ZNF461: variants seen among roughly 807,000 people sequenced by gnomAD.
ZNF461 encodes zinc finger protein 461.
In ZNF461, 16 loss-of-function variants were observed where a neutral mutation model predicts 18.3. That is an observed-to-expected ratio of 0.88 (90% CI 0.59 to 1.33). The LOEUF is 1.33. Ranked by LOEUF, ZNF461 falls within the 40% of genes most tolerant of loss-of-function variation. ZNF461 has a pLI of 0.00. For synonymous variants in ZNF461, 179 were observed against 216.9 expected, an observed-to-expected ratio of 0.83 and a Z score of 1.54; for missense variants, 595 against 669.9, an observed-to-expected ratio of 0.89 and a Z score of 1.23.
At chr19:36,656,037 G>A (rs1054638512) in intron 4 of ZNF461, among the ~76,000 whole-genome samples, 5 of 134,062 alleles carry the variant, frequency 3.7e-5, no homozygotes, top group South Asian at 2.3e-4. Context: ...TCGTTCTGTC[G>A]CCCAGGCGGG....
In ZNF461 at chr19:36,662,191, T is replaced by C. The variant is rs201500678; in HGVS notation, c.9+2507A>G. Among the ~76,000 whole-genome samples the C allele has an allele frequency of 5.9e-5, 9 of 151,980 alleles. No individual in the cohort carries two copies. The East Asian group carries it at 1.4e-3, about 23-fold the overall frequency. On this transcript the variant is annotated intron_variant, in intron 2 of 5. Coordinates refer to ENST00000588268, the MANE Select transcript of ZNF461 (RefSeq NM_153257.5). ...GCTATTTCCATGTATTTCTAATTCATATATTTTAACTCTTTTTGGTAGGAG... is the reference window on the plus strand; with the variant it reads ...GCTATTTCCATGTATTTCTAATTCACATATTTTAACTCTTTTTGGTAGGAG...
intron 5 of ZNF461, among the ~76,000 whole-genome samples, chr19:36,642,682 CTTTT>C (rs577387236): frequency 4.4e-5 from 4 of 90,802 alleles, no homozygotes; most frequent in Non-Finnish European, 2.2e-5. Flanking sequence ...AGTTAGACTT[CTTTT>C]TTTTTTTTTT....
chr19:36,651,112 T>C (rs1356712887), intron 4 of ZNF461, among the ~76,000 whole-genome samples: 1 of 151,642 alleles, frequency 6.6e-6, no homozygotes, highest in Non-Finnish European at 1.5e-5. Flanking sequence ...ACGCCTGTAG[T>C]GCCAGCTACT....
rs750223990 is a variant in ZNF461, at chr19:36,665,708, CA to C, written c.-80-923del. On this transcript the variant is annotated intron_variant, in intron 1 of 5. Coordinates refer to ENST00000588268, the MANE Select transcript of ZNF461 (RefSeq NM_153257.5). ...ACGGTGAAAGAGAGAAACTTCGTCTCAAAAAAAAAAAAAAAAAAAGGAAGTT... is the reference window on the plus strand; with the variant it reads ...ACGGTGAAAGAGAGAAACTTCGTCTCAAAAAAAAAAAAAAAAAAGGAAGTT... Among the ~76,000 whole-genome samples the C allele has an allele frequency of 3.3e-3, 255 of 77,862 alleles. 3 individuals carry two copies. Among genetic ancestry groups the C allele is most frequent in the African/African-American group, 7.9e-3 (165 of 20,832 alleles). 51.1% of individuals were successfully genotyped at this position (77,862 alleles called of 152,430 possible). A position where few individuals can be genotyped will look rare whatever the true frequency, so the allele number is the denominator to read the frequency against.
At chr19:36,643,070 G>A (rs1353909281) in intron 5 of ZNF461, among the ~76,000 whole-genome samples, 34 of 152,046 alleles carry the variant, frequency 2.2e-4, no homozygotes, top group Admixed American at 2.2e-3. Flanking sequence ...CACTCGGCCA[G>A]CGGACATGTT....
At chr19:36,660,490 C>T (rs2037799225) in intron 2 of ZNF461, among the ~76,000 whole-genome samples, 3 of 151,912 alleles carry the variant, frequency 2.0e-5, no homozygotes, top group Non-Finnish European at 2.9e-5. Context: ...TCAGTCTATA[C>T]CATGTATTAT....
At chr19:36,656,665 G>A (rs1332702229) in intron 3 of ZNF461, 122 bp from the exon 4 acceptor site, 46 of 705,744 alleles carry the variant, frequency 6.5e-5, no homozygotes, top group South Asian at 5.4e-4. Context: ...GGGATACAGA[G>A]GAAATAAAGG....
intron 4 of ZNF461, among the ~76,000 whole-genome samples, chr19:36,652,155 T>C (rs11084861): frequency 0.13 from 19,473 of 151,974 alleles, 2,053 homozygotes; most frequent in East Asian, 0.56. Flanking sequence ...TTTACAAAAA[T>C]TAACACAAAA....
rs530739797 is a variant in ZNF461, at chr19:36,653,162, G to A, written c.232+3286C>T. Among the ~76,000 whole-genome samples the A allele has an allele frequency of 4.6e-5, 7 of 152,268 alleles. No individual in the cohort carries two copies. The East Asian group carries it at 1.4e-3, about 29-fold the overall frequency. On this transcript the variant is annotated intron_variant, in intron 4 of 5. Transcript: ENST00000588268. Reference sequence around the variant, plus strand: ...AAGAATGTAAGACGGTACAAACATTGTTGACAATAATTTGGCAGCTCCTTG... The same window carrying A: ...AAGAATGTAAGACGGTACAAACATTATTGACAATAATTTGGCAGCTCCTTG...
intron 2 of ZNF461, among the ~76,000 whole-genome samples, chr19:36,662,704 C>T (rs536706446): frequency 4.9e-4 from 75 of 152,158 alleles, no homozygotes; most frequent in African/African-American, 1.8e-3. Flanking sequence ...ATAAAATTAG[C>T]TTTATTTCTC....
chr19:36,638,874 G>A lies in ZNF461; in HGVS notation c.1471C>T (p.His491Tyr), dbSNP rs2037350822. 6.2e-7 allele frequency: 1 copy of A among 1,606,208 alleles called. No homozygotes were observed. Among genetic ancestry groups the A allele is most frequent in the Non-Finnish European group, 8.5e-7 (1 of 1,174,716 alleles). The change falls in exon 6 of 6, where the codon CAT (histidine) becomes TAT (tyrosine). Residue 491 changes from histidine to tyrosine, a missense_variant. Coordinates refer to ENST00000588268, the MANE Select transcript of ZNF461 (RefSeq NM_153257.5). ...HSHLIQHQRI[H>Y]TGEKPYECKE... is the part of the protein sequence containing the mutation. ...CATTCATAGGGTTTCTCACCAGTAT[G>A]AATTCTTTGATGTTGAATAAGGTGT...
rs923189576 is a variant in ZNF461 at position 36,638,775 on chromosome 19, G to A, written c.1570C>T (p.Pro524Ser). The A allele has an allele frequency of 3.7e-6, 6 of 1,614,034 alleles. No homozygotes were observed. The highest frequency in any genetic ancestry group is 1.1e-5 in the South Asian group (1 of 91,084). ...HHQRIHSGKK[P>S]YQCGKAFNHR... The stretch of plus-strand genomic sequence containing the variant: ...TTAAACGCCTTCCCGCATTGATAAG[G>A]TTTCTTTCCAGAATGAATTCTCTGA... The change falls in exon 6 of 6, where the codon CCT becomes TCT. Residue 524 changes from proline (P) to serine (S), a missense_variant. Physicochemically the swap from Pro to Ser is moderately conservative, Grantham distance 74 (BLOSUM62 -1). Coordinates refer to ENST00000588268, the MANE Select transcript of ZNF461 (RefSeq NM_153257.5).
intron 2 of ZNF461, among the ~76,000 whole-genome samples, chr19:36,661,175 G>A (rs2037812692): frequency 1.3e-5 from 2 of 152,012 alleles, no homozygotes. Flanking sequence ...TTACTTGGAA[G>A]GCTGAGGCAG....
At chr19:36,650,484 C>A (rs1241452695) in intron 4 of ZNF461, among the ~76,000 whole-genome samples, 2 of 152,124 alleles carry the variant, frequency 1.3e-5, no homozygotes, top group Admixed American at 1.3e-4. Context: ...TAGGTTCAGA[C>A]AGTTGCTCTG....
chr19:36,642,766 G>A (rs543469813), intron 5 of ZNF461, among the ~76,000 whole-genome samples: 5 of 150,448 alleles, frequency 3.3e-5, no homozygotes, highest in East Asian at 2.0e-4. Flanking sequence ...TTGGTGGGGG[G>A]GGGTGGGGCA....
At chr19:36,643,958 G>A in intron 4 of ZNF461, 96 bp from the exon 5 acceptor site, 1 of 1,071,382 alleles carries the variant, frequency 9.3e-7, no homozygotes. Context: ...TTTAGACAGA[G>A]TTTCGCTCTT....
At chr19:36,651,767 T>C (rs892499365) in intron 4 of ZNF461, among the ~76,000 whole-genome samples, 1 of 152,232 alleles carries the variant, frequency 6.6e-6, no homozygotes, top group Non-Finnish European at 1.5e-5. Flanking sequence ...ACTTCATCTA[T>C]AGGCTTAACA....
In ZNF461 at chr19:36,637,620, C is replaced by T. The variant is rs2037321176; in HGVS notation, c.*1033G>A. ...AGGCTGAGGCAGGAGAATTTTTAAC[C>T]TGGGTGGCGGAGGTTGCAGTGAGCC... On this transcript the variant is annotated 3_prime_UTR_variant, in exon 6 of 6. Coordinates refer to ENST00000588268, the MANE Select transcript of ZNF461 (RefSeq NM_153257.5). 3 of 224,074 alleles carry T rather than the reference C, an allele frequency of 1.3e-5. No homozygotes were observed. The highest frequency in any genetic ancestry group is 2.7e-5 in the Non-Finnish European group (3 of 111,154). 13.9% of individuals were successfully genotyped at this position (224,074 alleles called of 1,614,324 possible). A position where few individuals can be genotyped will look rare whatever the true frequency, so the allele number is the denominator to read the frequency against.
chr19:36,666,687 T>TA lies in ZNF461; in HGVS notation c.-81+2dup. ...GCGGCACTGGTGAGCCAGGATTTCT[T>TA]ACCTTCAGCATTCTCAGGGAAGGCT... On this transcript the variant is annotated splice_region_variant and intron_variant, in intron 1 of 5. Transcript: ENST00000588268. The TA allele has an allele frequency of 6.6e-6, 1 of 152,560 alleles. No individual in the cohort carries two copies. The highest frequency in any genetic ancestry group is 2.4e-5 in the African/African-American group (1 of 41,574). 9.5% of individuals were successfully genotyped at this position (152,560 alleles called of 1,614,324 possible). A position where few individuals can be genotyped will look rare whatever the true frequency, so the allele number is the denominator to read the frequency against.
Sources: allele counts gnomAD v4.1 joint callset (sites outside exome capture counted in the v4.1 genomes callset), GRCh38; gene constraint gnomAD v4.1.1; transcripts MANE v1.5; gene names NCBI Gene and HGNC (gene_info 2026-07-23, HGNC 2026-07-21).